The following RFX4 variants were observed in gnomAD, a reference collection of about 807,000 sequenced individuals.
The protein encoded by RFX4 is transcription factor RFX4.
Under a neutral mutation model 95.0 loss-of-function variants are expected in RFX4, and 10 were observed. That is an observed-to-expected ratio of 0.11 (90% CI 0.06 to 0.18). The LOEUF is 0.18. Ranked by LOEUF, RFX4 falls within the 10% of genes least tolerant of loss-of-function variation. RFX4 has a pLI of 1.00. For synonymous variants in RFX4, 321 were observed against 340.7 expected, an observed-to-expected ratio of 0.94 and a Z score of 0.64; for missense variants, 640 against 922.0, an observed-to-expected ratio of 0.69 and a Z score of 3.96.
chr12:106,737,216 A>G (rs1207633492), intron 15 of RFX4, among the ~76,000 whole-genome samples: 2 of 116,478 alleles, frequency 1.7e-5, no homozygotes, highest in Non-Finnish European at 3.3e-5. Flanking sequence ...GACCAAATAA[A>G]TAGGGTCAGA....
intron 15 of RFX4, among the ~76,000 whole-genome samples, chr12:106,741,942 C>G (rs1010966351): frequency 2.0e-5 from 3 of 152,202 alleles, no homozygotes; most frequent in African/African-American, 7.2e-5. Context: ...AATGCTGCTT[C>G]TGATCTGATA....
intron 1 of RFX4, among the ~76,000 whole-genome samples, chr12:106,608,469 C>A (rs2039884601): frequency 1.3e-5 from 2 of 152,232 alleles, no homozygotes. Flanking sequence ...TACTCAGGAA[C>A]ATACCTTCTT....
chr12:106,754,038 C>T (rs1477444432), intron 17 of RFX4, among the ~76,000 whole-genome samples: 1 of 152,192 alleles, frequency 6.6e-6, no homozygotes, highest in Non-Finnish European at 1.5e-5. Context: ...CAGCTGTTAG[C>T]ACAAAGACTT....
At chr12:106,692,391 T>G (rs1326194932) in intron 7 of RFX4, among the ~76,000 whole-genome samples, 1 of 152,186 alleles carries the variant, frequency 6.6e-6, no homozygotes, top group Non-Finnish European at 1.5e-5. Flanking sequence ...ATTGTGTATG[T>G]AAAGTGTCTG....
intron 15 of RFX4, among the ~76,000 whole-genome samples, chr12:106,740,131 C>T (rs1651615010): frequency 1.3e-5 from 2 of 152,156 alleles, no homozygotes; most frequent in African/African-American, 2.4e-5. Context: ...AACACAAAAC[C>T]AGCAAATTAA....
At chr12:106,751,711 G>GT (rs1395854556) in intron 17 of RFX4, among the ~76,000 whole-genome samples, 2 of 151,926 alleles carry the variant, frequency 1.3e-5, no homozygotes, top group Admixed American at 6.6e-5. Context: ...TTTTTCATGT[G>GT]TTTTTTGGCT....
chr12:106,642,461 A>G (rs902615375), intron 3 of RFX4, among the ~76,000 whole-genome samples: 1 of 151,950 alleles, frequency 6.6e-6, no homozygotes, highest in Non-Finnish European at 1.5e-5. Flanking sequence ...GCAAAAAACA[A>G]AAAACTTAGC....
intron 1 of RFX4, among the ~76,000 whole-genome samples, chr12:106,597,568 G>A (rs760302592): frequency 1.5e-4 from 23 of 152,298 alleles, no homozygotes; most frequent in South Asian, 1.2e-3. Context: ...ATACTACTCC[G>A]TTTTACAGAT....
intron 8 of RFX4, among the ~76,000 whole-genome samples, chr12:106,707,702 T>C (rs1035630194): frequency 3.3e-5 from 5 of 151,796 alleles, no homozygotes; most frequent in African/African-American, 1.2e-4. Context: ...AGACAAAGAA[T>C]TGGGCAGCAC....
At chr12:106,695,951 C>T (rs148942490) in intron 7 of RFX4, among the ~76,000 whole-genome samples, 2 of 152,298 alleles carry the variant, frequency 1.3e-5, no homozygotes, top group Non-Finnish European at 2.9e-5. Flanking sequence ...AATGCCCCAC[C>T]TTCCTTTCCT....
intron 1 of RFX4, among the ~76,000 whole-genome samples, chr12:106,584,869 C>T (rs2039430915): frequency 6.6e-6 from 1 of 152,146 alleles, no homozygotes. Flanking sequence ...GGCTAAGCCC[C>T]GAAGTTCTCC....
intron 5 of RFX4, 77 bp from the exon 6 acceptor site, chr12:106,686,807 C>G: frequency 7.2e-7 from 1 of 1,397,012 alleles, no homozygotes; most frequent in Middle Eastern, 2.1e-4. Flanking sequence ...CTCAGGAAAC[C>G]TCACTTAATA....
chr12:106,757,942 C>T (rs561418975), intron 17 of RFX4, among the ~76,000 whole-genome samples: 2 of 152,334 alleles, frequency 1.3e-5, no homozygotes, highest in South Asian at 2.1e-4. Context: ...TGTGCAGGCA[C>T]ACACATGTGC....
chr12:106,608,464 AG>A (rs1402058025), intron 1 of RFX4, among the ~76,000 whole-genome samples: 1 of 152,234 alleles, frequency 6.6e-6, no homozygotes, highest in African/African-American at 2.4e-5. Flanking sequence ...ACTGCTACTC[AG>A]GAACATACCT....
chr12:106,679,673 AAT>A (rs1189210505), intron 4 of RFX4, among the ~76,000 whole-genome samples: 1 of 152,120 alleles, frequency 6.6e-6, no homozygotes, highest in African/African-American at 2.4e-5. Flanking sequence ...CAATGTGAAA[AAT>A]CCCCTGGCTC....
chr12:106,602,305 G>A (rs1054231504), intron 1 of RFX4, among the ~76,000 whole-genome samples: 3 of 152,178 alleles, frequency 2.0e-5, no homozygotes, highest in South Asian at 4.1e-4. Context: ...TCACTCAGCC[G>A]TGAGTTCCTG....
At chr12:106,750,963 T>C (rs1242872294) in intron 17 of RFX4, among the ~76,000 whole-genome samples, 170 bp downstream of exon 17, 2 of 151,876 alleles carry the variant, frequency 1.3e-5, no homozygotes, top group Non-Finnish European at 2.9e-5. Flanking sequence ...TACTTTAAGT[T>C]TTAGGGTACA....
intron 3 of RFX4, among the ~76,000 whole-genome samples, chr12:106,652,886 C>T (rs1226209751): frequency 3.3e-5 from 5 of 152,180 alleles, no homozygotes; most frequent in Admixed American, 3.3e-4. Context: ...TTTGAAGCCA[C>T]TTGAGGACAT....
At chr12:106,698,682 A>T (rs551341478) in intron 8 of RFX4, among the ~76,000 whole-genome samples, 2 of 151,824 alleles carry the variant, frequency 1.3e-5, no homozygotes, top group South Asian at 4.2e-4. Context: ...ATGCATTGAA[A>T]AGTGTTCCCT....
Sources: gnomAD v4.1 joint callset for allele counts (sites outside exome capture counted in the v4.1 genomes callset) on GRCh38, gnomAD v4.1.1 for gene constraint, MANE v1.5 for transcripts, NCBI Gene and HGNC (gene_info 2026-07-23, HGNC 2026-07-21) for gene names.